DLG2: variants seen among roughly 807,000 people sequenced by gnomAD.
DLG2 encodes the protein discs large MAGUK scaffold protein 2.
In DLG2, 45 loss-of-function variants were observed where a neutral mutation model predicts 132.5. The ratio of observed to expected loss-of-function variants is 0.34; its 90% CI spans 0.27 to 0.44. The LOEUF (loss-of-function observed/expected upper bound fraction) is 0.44. Ranked by LOEUF, DLG2 falls within the 20% of genes least tolerant of loss-of-function variation. The probability of loss-of-function intolerance (pLI) is 1.00; values close to 1 mark genes in which losing one functional copy is unlikely to be tolerated. For missense variants in DLG2, 1,045 were observed against 1,196.9 expected (o/e 0.87, Z 1.87); for synonymous variants, 424 against 419.6 (o/e 1.01, Z -0.13).
At chr11:84,303,029 G>A (rs972492289) in intron 7 of DLG2, among the ~76,000 whole-genome samples, 5 of 152,280 alleles carry the variant, frequency 3.3e-5, no homozygotes, top group African/African-American at 7.2e-5. Flanking sequence ...GCTGAGGCAG[G>A]AGAAATGCTT....
chr11:84,323,526 T>G (rs1279341447), intron 7 of DLG2, among the ~76,000 whole-genome samples: 4 of 152,130 alleles, frequency 2.6e-5, no homozygotes, highest in African/African-American at 4.8e-5. Context: ...ATATTTCAGA[T>G]CTTGATTTCA....
chr11:83,825,476 C>T (rs1309953340), intron 17 of DLG2, among the ~76,000 whole-genome samples: 8 of 151,918 alleles, frequency 5.3e-5, no homozygotes, highest in African/African-American at 7.3e-5. Context: ...CCACTGTGCC[C>T]GGCCTAATTA....
chr11:84,851,033 A>G (rs2082105491), intron 6 of DLG2, among the ~76,000 whole-genome samples: 2 of 152,114 alleles, frequency 1.3e-5, no homozygotes, highest in East Asian at 3.9e-4. Flanking sequence ...CCAGAAATTG[A>G]TATGACTCAA....
intron 19 of DLG2, among the ~76,000 whole-genome samples, chr11:83,545,741 C>T (rs2096223478): frequency 6.6e-6 from 1 of 152,088 alleles, no homozygotes; most frequent in Admixed American, 6.6e-5. Flanking sequence ...AGCTCAGCAA[C>T]AGGTTCTTTC....
At chr11:84,695,045 T>C (rs1476961484) in intron 6 of DLG2, among the ~76,000 whole-genome samples, 2 of 151,540 alleles carry the variant, frequency 1.3e-5, no homozygotes, top group African/African-American at 4.8e-5. Context: ...CTTTTAATGG[T>C]CAAAGCTTCT....
intron 16 of DLG2, among the ~76,000 whole-genome samples, chr11:83,838,962 A>T (rs1432420430): frequency 6.6e-6 from 1 of 152,232 alleles, no homozygotes; most frequent in Non-Finnish European, 1.5e-5. Context: ...TTATTCTTAC[A>T]TGTTTAATAT....
chr11:84,556,639 T>G (rs2099412507), intron 6 of DLG2, among the ~76,000 whole-genome samples: 1 of 152,180 alleles, frequency 6.6e-6, no homozygotes, highest in Non-Finnish European at 1.5e-5. Context: ...GGCCGCAGGT[T>G]GGACAAGCTG....
intron 19 of DLG2, among the ~76,000 whole-genome samples, chr11:83,614,728 C>T (rs1236307147): frequency 6.6e-6 from 1 of 152,098 alleles, no homozygotes; most frequent in African/African-American, 2.4e-5. Context: ...TCAACAACAA[C>T]AACAAACCAA....
rs1448182874 is a variant in DLG2 at position 83,774,585 on chromosome 11, TCAGGCCCATCAG to T, written c.1825+12093_1825+12104del. On this transcript the variant is annotated intron_variant, in intron 18 of 27. Coordinates refer to ENST00000376104, the MANE Select transcript of DLG2 (RefSeq NM_001142699.3). The stretch of plus-strand genomic sequence containing the variant: ...ATTCTTTTTTTTTTCTTCCTATATT[TCAGGCCCATCAG>T]CAGGAAGTAAGGAAATTCTTAACTA... Among the ~76,000 whole-genome samples, 26 of 152,200 alleles carry T rather than the reference TCAGGCCCATCAG, an allele frequency of 1.7e-4. No homozygotes were observed. The East Asian group carries it at 4.5e-3, about 26-fold the overall frequency.
At chr11:84,691,257 T>C (rs1235396554) in intron 6 of DLG2, among the ~76,000 whole-genome samples, 1 of 151,802 alleles carries the variant, frequency 6.6e-6, no homozygotes, top group Non-Finnish European at 1.5e-5. Context: ...TCTCCTCCAC[T>C]AGGCTTCAAG....
At chr11:84,465,724 A>G (rs1468073881) in intron 7 of DLG2, among the ~76,000 whole-genome samples, 3 of 151,280 alleles carry the variant, frequency 2.0e-5, no homozygotes, top group Non-Finnish European at 4.4e-5. Flanking sequence ...TTTATAGTTT[A>G]AGCTACCCCA....
chr11:84,789,751 C>T (rs1442430700), intron 6 of DLG2, among the ~76,000 whole-genome samples: 1 of 152,048 alleles, frequency 6.6e-6, no homozygotes, highest in Non-Finnish European at 1.5e-5. Context: ...TCTCTGGTAA[C>T]TATCCTTCTA....
chr11:85,250,745 A>G (rs2076357779), intron 4 of DLG2, among the ~76,000 whole-genome samples: 1 of 152,204 alleles, frequency 6.6e-6, no homozygotes, highest in Non-Finnish European at 1.5e-5. Context: ...AGGCACAAAT[A>G]GTGAACCTAA....
At chr11:84,167,220 T>C (rs962810991) in intron 8 of DLG2, among the ~76,000 whole-genome samples, 1 of 152,188 alleles carries the variant, frequency 6.6e-6, no homozygotes. Context: ...TAGATTTCTC[T>C]GGTGGCCAGA....
chr11:84,628,500 C>G (rs1482738255), intron 6 of DLG2, among the ~76,000 whole-genome samples: 1 of 152,200 alleles, frequency 6.6e-6, no homozygotes, highest in Non-Finnish European at 1.5e-5. Flanking sequence ...ACATACCAAT[C>G]TTGACTCTAC....
At chr11:85,505,973 T>C (rs908890400) in intron 3 of DLG2, among the ~76,000 whole-genome samples, 1 of 152,204 alleles carries the variant, frequency 6.6e-6, no homozygotes, top group Non-Finnish European at 1.5e-5. Flanking sequence ...CAGGAATTTA[T>C]CCATTTCTTC....
At chr11:84,210,575 AG>A (rs1166168250) in intron 8 of DLG2, among the ~76,000 whole-genome samples, 3 of 152,112 alleles carry the variant, frequency 2.0e-5, no homozygotes, top group Non-Finnish European at 4.4e-5. Context: ...TATTCAGAAA[AG>A]CAAAAAACTG....
intron 18 of DLG2, among the ~76,000 whole-genome samples, chr11:83,739,270 C>A (rs2153714076): frequency 6.6e-6 from 1 of 152,200 alleles, no homozygotes; most frequent in South Asian, 2.1e-4. Context: ...CTATGCAGAA[C>A]TTCACTGGTG....
At chr11:84,748,217 C>G (rs1943693) in intron 6 of DLG2, among the ~76,000 whole-genome samples, 71,279 of 152,028 alleles carry the variant, frequency 0.47, 17,619 homozygotes, top group Middle Eastern at 0.57. Context: ...GGCCTGCCAA[C>G]TAGATTCTCT....
Sources: gnomAD v4.1 joint callset for allele counts (sites outside exome capture counted in the v4.1 genomes callset) on GRCh38, gnomAD v4.1.1 for gene constraint, MANE v1.5 for transcripts, NCBI Gene and HGNC (gene_info 2026-07-23, HGNC 2026-07-21) for gene names.